SCARA3: variants seen among roughly 807,000 people sequenced by gnomAD.
SCARA3 encodes cellular stress response gene protein.
In SCARA3, 39 loss-of-function variants were observed where a neutral mutation model predicts 47.0. The ratio of observed to expected loss-of-function variants is 0.83; its 90% CI spans 0.64 to 1.08. The LOEUF (loss-of-function observed/expected upper bound fraction) is 1.08. SCARA3 is among the 50% of genes least tolerant of loss of function. The pLI is 0.00. For synonymous variants in SCARA3, 356 were observed against 334.1 expected, an observed-to-expected ratio of 1.07 and a Z score of -0.71; for missense variants, 724 against 792.3, an observed-to-expected ratio of 0.91 and a Z score of 1.04.
chr8:27,635,719 G>A (rs1252120564), intron 1 of SCARA3, among the ~76,000 whole-genome samples: 3 of 151,824 alleles, frequency 2.0e-5, no homozygotes. Context: ...GCCTCCTAAA[G>A]TGCTGGGATT....
chr8:27,639,837 G>A (rs949757370), intron 1 of SCARA3, among the ~76,000 whole-genome samples: 1 of 152,192 alleles, frequency 6.6e-6, no homozygotes, highest in African/African-American at 2.4e-5. Context: ...CCAAGGGGGA[G>A]GAAATGACCC....
intron 2 of SCARA3, 143 bp downstream of exon 2, chr8:27,649,943 G>C: frequency 1.5e-6 from 1 of 684,404 alleles, no homozygotes; most frequent in Non-Finnish European, 2.5e-6. Context: ...GATGGTGAAA[G>C]GGCAGAGTTC....
intron 1 of SCARA3, among the ~76,000 whole-genome samples, chr8:27,637,294 G>T (rs1413093991): frequency 6.6e-6 from 1 of 152,256 alleles, no homozygotes; most frequent in Non-Finnish European, 1.5e-5. Flanking sequence ...GCCCTAAGGG[G>T]ACACTCAGGT....
Position 27,651,456 on chromosome 8 carries a change from C to T in SCARA3, c.107-52C>T, listed in dbSNP as rs35639303. Reference sequence around the variant, plus strand: ...CAGGAACATGGAACTGACCCTTCAGCTCCAACCTGGGCCCCTGGCCTAAGC... The same window carrying T: ...CAGGAACATGGAACTGACCCTTCAGTTCCAACCTGGGCCCCTGGCCTAAGC... On this transcript the variant is annotated intron_variant, in intron 2 of 5. Transcript: ENST00000301904. 2,079 of 1,592,644 alleles carry T rather than the reference C, an allele frequency of 1.3e-3. 38 individuals are homozygous for T. In the African/African-American group the frequency reaches 0.024, roughly 18 times the overall value.
intron 5 of SCARA3, among the ~76,000 whole-genome samples, 161 bp from the exon 6 acceptor site, chr8:27,670,739 A>G (rs1802126255): frequency 6.6e-6 from 1 of 151,818 alleles, no homozygotes; most frequent in African/African-American, 2.4e-5. Context: ...CCCTAACCTC[A>G]GTGTGTGTGT....
At chr8:27,706,004 G>A in the SCARA3 span, among the ~76,000 whole-genome samples, 101 of 152,352 alleles carry the variant, frequency 6.6e-4, 1 homozygote, top group South Asian at 0.02. Flanking sequence ...GTGAGAGAGA[G>A]CATGGCATCA....
the SCARA3 span, among the ~76,000 whole-genome samples, chr8:27,732,927 G>A: frequency 2.9e-3 from 439 of 152,288 alleles, 1 homozygote; most frequent in Non-Finnish European, 3.4e-3. Context: ...TCTATCAACA[G>A]AACACAACCC....
At position 27,637,513 on chromosome 8, in the gene SCARA3, G is replaced by A. The variant is rs1027362378; in HGVS notation, c.7+3306G>A. The stretch of plus-strand genomic sequence containing the variant: ...CCGGCCCCATCATCTGCCCTCTTCG[G>A]CCCCGTTGTCCTCCTGGGTGGTCCC... On this transcript the variant is annotated intron_variant, in intron 1 of 5. Coordinates refer to ENST00000301904, the MANE Select transcript of SCARA3 (RefSeq NM_016240.3). 3.3e-5 allele frequency among the ~76,000 whole-genome samples: 5 copies of A among 152,290 alleles called. No individual in the cohort carries two copies. In the East Asian group the frequency reaches 9.7e-4, roughly 30 times the overall value.
chr8:27,681,252 G>T (rs75501093), downstream of SCARA3, among the ~76,000 whole-genome samples: 2 of 151,968 alleles, frequency 1.3e-5, no homozygotes, highest in East Asian at 1.9e-4. Flanking sequence ...ATAAAAACTC[G>T]CTTTTAATAA....
rs1801192679 is a variant in SCARA3, at chr8:27,634,059, A to C, written c.-142A>C. ...GCCTCCGCAGCCCGCGCGCCGGAGC[A>C]TGAGTCCCGGCCGGAGCCCCACGGC... On this transcript the variant is annotated 5_prime_UTR_variant, in exon 1 of 6. An upstream start codon of the reference 5' UTR is lost. Transcript: ENST00000301904. 3.2e-6 allele frequency: 2 copies of C among 616,300 alleles called. No individual in the cohort carries two copies. Among genetic ancestry groups the C allele is most frequent in the African/African-American group, 1.9e-5 (1 of 51,820 alleles). 38.2% of individuals were successfully genotyped at this position (616,300 alleles called of 1,614,324 possible). A position where few individuals can be genotyped will look rare whatever the true frequency, so the allele number is the denominator to read the frequency against.
the SCARA3 span, among the ~76,000 whole-genome samples, chr8:27,731,897 A>G: frequency 0.43 from 65,955 of 151,922 alleles, 14,581 homozygotes; most frequent in East Asian, 0.63. Context: ...ACTGCACGGT[A>G]CCCCGAATAT....
Position 27,671,837 on chromosome 8 carries a change from T to C in SCARA3, c.*486T>C. The C allele has an allele frequency of 2.0e-6, 2 of 985,602 alleles. No homozygotes were observed. The highest frequency in any genetic ancestry group is 2.4e-6 in the Non-Finnish European group (2 of 830,120). 61.1% of individuals were successfully genotyped at this position (985,602 alleles called of 1,614,324 possible). ...TATATACACATGCACATACACAGAT[T>C]TTTCTGCTGGCCAGGTGGGCCAACT... On this transcript the variant is annotated 3_prime_UTR_variant, in exon 6 of 6. Coordinates refer to ENST00000301904, the MANE Select transcript of SCARA3 (RefSeq NM_016240.3).
intron 5 of SCARA3, among the ~76,000 whole-genome samples, chr8:27,661,085 G>A (rs1380345150): frequency 6.6e-6 from 1 of 152,052 alleles, no homozygotes; most frequent in Non-Finnish European, 1.5e-5. Flanking sequence ...TCACGCCAGG[G>A]AGGGCAATCT....
chr8:27,682,223 T>C, the SCARA3 span, among the ~76,000 whole-genome samples: 3 of 152,136 alleles, frequency 2.0e-5, no homozygotes, highest in South Asian at 4.1e-4. Flanking sequence ...GATATCCATA[T>C]GGGAAAAAAA....
At chr8:27,647,488 C>T in intron 1 of SCARA3, among the ~76,000 whole-genome samples, 1 of 152,206 alleles carries the variant, frequency 6.6e-6, no homozygotes, top group South Asian at 2.1e-4. Context: ...AATACCAAAT[C>T]CTTCATTGGT....
chr8:27,664,309 T>C (rs1010594477), intron 5 of SCARA3, among the ~76,000 whole-genome samples: 2 of 152,232 alleles, frequency 1.3e-5, no homozygotes, highest in Non-Finnish European at 2.9e-5. Flanking sequence ...AATTTAAAGC[T>C]TTCCTGATTA....
At chr8:27,714,860 G>A in the SCARA3 span, among the ~76,000 whole-genome samples, 1 of 152,108 alleles carries the variant, frequency 6.6e-6, no homozygotes, top group South Asian at 2.1e-4. Flanking sequence ...AGGCTCTTTT[G>A]TATATGTTAC....
In SCARA3 at chr8:27,671,257, G is replaced by T; in HGVS notation, c.1727G>T (p.Arg576Leu). The change falls in exon 6 of 6, where the codon CGG becomes CTG. Residue 576 changes from arginine to leucine, a missense_variant. By Grantham distance (102) the Arg-to-Leu change is moderately radical (BLOSUM62 -2). Coordinates refer to ENST00000301904, the MANE Select transcript of SCARA3 (RefSeq NM_016240.3). ...IAGKTGSPGQ[R>L]GAMGPKGEPG... is the part of the protein sequence containing the mutation. ...GGGAAGACAGGGTCACCAGGCCAGC[G>T]GGGGGCCATGGGGCCTAAGGGTGAA... The T allele has an allele frequency of 1.3e-6, 2 of 1,481,952 alleles. No homozygotes were observed. Among genetic ancestry groups the T allele is most frequent in the Non-Finnish European group, 1.8e-6 (2 of 1,120,772 alleles). 91.8% of individuals were successfully genotyped at this position (1,481,952 alleles called of 1,614,324 possible).
At chr8:27,668,088 T>C (rs1409905797) in intron 5 of SCARA3, among the ~76,000 whole-genome samples, 2 of 152,202 alleles carry the variant, frequency 1.3e-5, no homozygotes, top group African/African-American at 4.8e-5. Context: ...ATGATATGAC[T>C]GAGGCTTCTG....
Sources: gnomAD v4.1 joint callset for allele counts (sites outside exome capture counted in the v4.1 genomes callset) on GRCh38, gnomAD v4.1.1 for gene constraint, MANE v1.5 for transcripts, NCBI Gene and HGNC (gene_info 2026-07-23, HGNC 2026-07-21) for gene names.